The following TENM4 variants were observed in gnomAD, a reference collection of about 807,000 sequenced individuals.
The protein encoded by TENM4 is teneurin transmembrane protein 4, also known as teneurin-4.
Under a neutral mutation model 243.3 loss-of-function variants are expected in TENM4, and 82 were observed. That is an observed-to-expected ratio of 0.34 (90% CI 0.28 to 0.40). The LOEUF is 0.40. TENM4 is among the 10% of genes least tolerant of loss of function. The pLI is 1.00. For missense variants in TENM4, 3,138 were observed against 3,673.3 expected (o/e 0.85, Z 3.77); for synonymous variants, 1,412 against 1,456.3 (o/e 0.97, Z 0.69).
At chr11:78,772,283 A>T (rs1175085882) in intron 17 of TENM4, among the ~76,000 whole-genome samples, 4 of 152,106 alleles carry the variant, frequency 2.6e-5, no homozygotes, top group Non-Finnish European at 5.9e-5. Flanking sequence ...GAATATGTTA[A>T]ATTACGTGGT....
intron 12 of TENM4, among the ~76,000 whole-genome samples, chr11:78,841,743 CA>C (rs139589098): frequency 0.012 from 1,757 of 152,188 alleles, 13 homozygotes; most frequent in Non-Finnish European, 0.019. Context: ...GCCTCCTCCT[CA>C]GGTTACTCCC....
chr11:79,241,703 T>G (rs1406630338), intron 2 of TENM4, among the ~76,000 whole-genome samples: 3 of 152,180 alleles, frequency 2.0e-5, no homozygotes, highest in Non-Finnish European at 4.4e-5. Flanking sequence ...AATGATGATG[T>G]GTTCACATGT....
chr11:79,344,557 A>G (rs1418674993), intron 1 of TENM4, among the ~76,000 whole-genome samples: 1 of 152,252 alleles, frequency 6.6e-6, no homozygotes, highest in Non-Finnish European at 1.5e-5. Flanking sequence ...CTGACCAGGT[A>G]GACTGGCACT....
chr11:79,183,076 A>G (rs576868824), intron 3 of TENM4, among the ~76,000 whole-genome samples: 1 of 152,318 alleles, frequency 6.6e-6, no homozygotes, highest in East Asian at 1.9e-4. Flanking sequence ...AAATGAATTG[A>G]AAACTTATGT....
intron 4 of TENM4, chr11:79,093,604 CT>C (rs1172373673): frequency 6.6e-6 from 1 of 152,214 alleles, no homozygotes; most frequent in East Asian, 1.9e-4. Flanking sequence ...GTGGGAAGTC[CT>C]TGGGGCAAAG....
At chr11:78,674,924 G>T (rs552420553) in intron 30 of TENM4, among the ~76,000 whole-genome samples, 1 of 151,898 alleles carries the variant, frequency 6.6e-6, no homozygotes, top group South Asian at 2.1e-4. Flanking sequence ...GGAGTGCAGC[G>T]GCGCGATCTC....
intron 19 of TENM4, among the ~76,000 whole-genome samples, chr11:78,755,240 C>T (rs775617014): frequency 4.6e-5 from 7 of 152,274 alleles, no homozygotes; most frequent in African/African-American, 1.4e-4. Flanking sequence ...TCTTGGCTCA[C>T]TGCAGCCTCA....
At chr11:79,006,332 CTATAAAG>C (rs1410534050) in intron 6 of TENM4, among the ~76,000 whole-genome samples, 1 of 152,112 alleles carries the variant, frequency 6.6e-6, no homozygotes, top group African/African-American at 2.4e-5. Context: ...GTGTCAGAAA[CTATAAAG>C]ATGGAGTATT....
intron 4 of TENM4, among the ~76,000 whole-genome samples, chr11:79,112,084 G>C (rs1861520542): frequency 6.6e-6 from 1 of 152,156 alleles, no homozygotes; most frequent in Admixed American, 6.5e-5. Context: ...GTCGTGTAGG[G>C]TGCAGAGGAA....
chr11:78,915,112 G>T (rs1389228685), intron 6 of TENM4, among the ~76,000 whole-genome samples: 1 of 152,214 alleles, frequency 6.6e-6, no homozygotes, highest in Non-Finnish European at 1.5e-5. Context: ...AGGTGCCAAG[G>T]TTAACAGGTT....
intron 3 of TENM4, among the ~76,000 whole-genome samples, chr11:79,198,137 G>A (rs975604332): frequency 6.6e-6 from 1 of 152,232 alleles, no homozygotes; most frequent in African/African-American, 2.4e-5. Flanking sequence ...ATTAAATGAT[G>A]AGGATGATAA....
intron 1 of TENM4, among the ~76,000 whole-genome samples, chr11:79,356,233 A>G (rs541350093): frequency 2.0e-5 from 3 of 152,310 alleles, no homozygotes; most frequent in African/African-American, 7.2e-5. Flanking sequence ...AGTGTGGGGT[A>G]GTGGTCAAGA....
rs1862693163 is a variant in TENM4, at chr11:79,159,325, G to A, written c.-162-10519C>T. 2.6e-5 allele frequency among the ~76,000 whole-genome samples: 4 copies of A among 152,192 alleles called. No homozygotes were observed. In the South Asian group the frequency reaches 8.3e-4, roughly 31 times the overall value. ...CACCACAGGGAATAACAGTTGGCAT[G>A]TAGTATCTGATTTAATCTTACCCTA... On this transcript the variant is annotated intron_variant, in intron 3 of 33. Coordinates refer to ENST00000278550, the MANE Select transcript of TENM4 (RefSeq NM_001098816.3).
chr11:79,347,438 T>C (rs1015926944), intron 1 of TENM4, among the ~76,000 whole-genome samples: 1 of 152,216 alleles, frequency 6.6e-6, no homozygotes, highest in Non-Finnish European at 1.5e-5. Flanking sequence ...TTCCCCATGA[T>C]GAACTCAAAG....
At chr11:79,081,828 G>C (rs559868607) in intron 4 of TENM4, among the ~76,000 whole-genome samples, 5 of 152,222 alleles carry the variant, frequency 3.3e-5, no homozygotes, top group African/African-American at 1.2e-4. Context: ...TTCCTCCTCA[G>C]TTACTATGAC....
intron 3 of TENM4, among the ~76,000 whole-genome samples, chr11:79,158,443 C>G (rs192139104): frequency 1.3e-5 from 2 of 152,160 alleles, no homozygotes; most frequent in East Asian, 3.9e-4. Flanking sequence ...TATTTCTTCT[C>G]CCTGAGAAGC....
chr11:78,789,356 T>TC (rs1307754569), intron 15 of TENM4, among the ~76,000 whole-genome samples: 1 of 152,174 alleles, frequency 6.6e-6, no homozygotes, highest in Non-Finnish European at 1.5e-5. Context: ...AGGATGTTGT[T>TC]CAAGCTCTTT....
chr11:79,091,972 A>C (rs56130640), intron 4 of TENM4, among the ~76,000 whole-genome samples: 1,909 of 152,170 alleles, frequency 0.013, 45 homozygotes, highest in African/African-American at 0.043. Context: ...GCCCTCCCAC[A>C]TGCCCCCTGA....
Position 79,031,232 on chromosome 11 carries a change from C to T in TENM4, c.493+33506G>A, listed in dbSNP as rs117256201. Among the ~76,000 whole-genome samples, 967 of 152,250 alleles carry T rather than the reference C, an allele frequency of 6.4e-3. 8 individuals carry two copies. The highest frequency in any genetic ancestry group is 0.012 in the Non-Finnish European group (783 of 68,010). ...ACATTAGAGGAGCTCAGCAAAGGCT[C>T]GCTGACTGACAAAATGCCTACATAC... On this transcript the variant is annotated intron_variant, in intron 6 of 33. Transcript: ENST00000278550.
Sources: allele counts gnomAD v4.1 joint callset (sites outside exome capture counted in the v4.1 genomes callset), GRCh38; gene constraint gnomAD v4.1.1; transcripts MANE v1.5; gene names NCBI Gene and HGNC (gene_info 2026-07-23, HGNC 2026-07-21).